Variants in LARP4B observed in about 807,000 individuals in gnomAD.
LARP4B encodes La ribonucleoprotein 4B, also known as la-related protein 4B.
A neutral mutation model predicts 89.8 loss-of-function variants in LARP4B; 12 were observed. That is an observed-to-expected ratio of 0.13 (90% CI 0.09 to 0.22). The LOEUF (loss-of-function observed/expected upper bound fraction) is 0.22. LARP4B is among the 10% of genes least tolerant of loss of function. The probability of loss-of-function intolerance (pLI) is 1.00; values close to 1 mark genes in which losing one functional copy is unlikely to be tolerated. For missense variants in LARP4B, 757 were observed against 947.7 expected (o/e 0.80, Z 2.64); for synonymous variants, 367 against 363.3 (o/e 1.01, Z -0.12).
intron 1 of LARP4B, among the ~76,000 whole-genome samples, chr10:895,672 C>CA (rs1312520352): frequency 0.011 from 694 of 63,760 alleles, 3 homozygotes; most frequent in Middle Eastern, 0.024. Context: ...GAGTCCATCT[C>CA]AAAAAAAAAA....
the LARP4B span, chr10:987,709 G>A: frequency 6.6e-6 from 1 of 152,234 alleles, no homozygotes; most frequent in African/African-American, 2.4e-5. Flanking sequence ...AAACATAAAA[G>A]CAGTAAAGGC....
At chr10:916,745 T>C (rs540090118) in intron 1 of LARP4B, among the ~76,000 whole-genome samples, 1 of 152,214 alleles carries the variant, frequency 6.6e-6, no homozygotes, top group Non-Finnish European at 1.5e-5. Flanking sequence ...TTGTGCAGAT[T>C]AGAGTGCAGT....
In LARP4B at chr10:811,238, T is replaced by G. The variant is rs1445597554; in HGVS notation, c.*1688A>C. ...TATTCAAACCACAACATTTAGTTTA[T>G]CTACATCCCGCTCAACAGCAACATT... On this transcript the variant is annotated 3_prime_UTR_variant, in exon 18 of 18. Coordinates refer to ENST00000316157, the MANE Select transcript of LARP4B (RefSeq NM_015155.3). 2.6e-5 allele frequency: 4 copies of G among 152,680 alleles called. No individual in the cohort carries two copies. Among genetic ancestry groups the G allele is most frequent in the Non-Finnish European group, 4.4e-5 (3 of 68,046 alleles). 9.5% of individuals were successfully genotyped at this position (152,680 alleles called of 1,614,324 possible).
chr10:888,336 A>T (rs1455556926), intron 1 of LARP4B, among the ~76,000 whole-genome samples: 1 of 144,808 alleles, frequency 6.9e-6, no homozygotes, highest in Non-Finnish European at 1.6e-5. Context: ...AAACAAACAA[A>T]CAAAAAAAAA....
At chr10:861,629 G>C (rs1435628738) in intron 5 of LARP4B, among the ~76,000 whole-genome samples, 3 of 152,110 alleles carry the variant, frequency 2.0e-5, no homozygotes, top group Non-Finnish European at 4.4e-5. Context: ...TCTTCAGATA[G>C]ATTTTAACAT....
At chr10:978,622 G>A in the LARP4B span, among the ~76,000 whole-genome samples, 1 of 152,122 alleles carries the variant, frequency 6.6e-6, no homozygotes, top group East Asian at 1.9e-4. Flanking sequence ...AAGTTCATCA[G>A]TACTTTACCC....
In LARP4B at chr10:810,836, A is replaced by G. The variant is rs1264824202; in HGVS notation, c.*2090T>C. On this transcript the variant is annotated 3_prime_UTR_variant, in exon 18 of 18. Transcript: ENST00000316157. ...CTGACAACTACAAAAAAAAATCCCCATGTTCTTTAAAATGCATTTGAAAAA... is the reference window on the plus strand; with the variant it reads ...CTGACAACTACAAAAAAAAATCCCCGTGTTCTTTAAAATGCATTTGAAAAA... 5 of 146,534 alleles carry G rather than the reference A, an allele frequency of 3.4e-5. No individual in the cohort carries two copies. The highest frequency in any genetic ancestry group is 4.5e-5 in the Non-Finnish European group (3 of 66,938). The allele number at this position is 146,534 out of a possible 1,614,324, so 9.1% of individuals were successfully genotyped here. A position where few individuals can be genotyped will look rare whatever the true frequency, so the allele number is the denominator to read the frequency against.
At chr10:909,527 G>T (rs1185163279) in intron 1 of LARP4B, among the ~76,000 whole-genome samples, 1 of 152,064 alleles carries the variant, frequency 6.6e-6, no homozygotes, top group East Asian at 1.9e-4. Context: ...GCTCATGCCT[G>T]TAATCCTGGC....
intron 1 of LARP4B, among the ~76,000 whole-genome samples, chr10:907,037 G>C (rs538558642): frequency 1.3e-5 from 2 of 152,286 alleles, no homozygotes; most frequent in African/African-American, 4.8e-5. Flanking sequence ...CAGCTACTGA[G>C]ATGCTCTCCC....
At chr10:874,203 C>G (rs1263586071) in intron 3 of LARP4B, among the ~76,000 whole-genome samples, 5 of 152,098 alleles carry the variant, frequency 3.3e-5, no homozygotes, top group African/African-American at 1.2e-4. Context: ...CACTGCACTC[C>G]AGCCTGGGTG....
chr10:867,346 A>G (rs1042887449), intron 3 of LARP4B, among the ~76,000 whole-genome samples: 2 of 152,242 alleles, frequency 1.3e-5, no homozygotes, highest in Non-Finnish European at 2.9e-5. Context: ...TGAAAAAACC[A>G]AGGCAGAGAA....
At chr10:839,525 C>T (rs1005922749) in intron 7 of LARP4B, among the ~76,000 whole-genome samples, 7 of 152,218 alleles carry the variant, frequency 4.6e-5, no homozygotes, top group African/African-American at 1.7e-4. Context: ...AAAAGGAAGG[C>T]AAATAAGCTC....
the LARP4B span, among the ~76,000 whole-genome samples, chr10:960,238 G>C: frequency 6.6e-6 from 1 of 152,126 alleles, no homozygotes; most frequent in Non-Finnish European, 1.5e-5. Context: ...GGTTGACAGA[G>C]GGGGAGGGAT....
At chr10:871,848 G>T (rs1337539541) in intron 3 of LARP4B, among the ~76,000 whole-genome samples, 2 of 152,190 alleles carry the variant, frequency 1.3e-5, no homozygotes, top group Admixed American at 6.5e-5. Flanking sequence ...TTGTCTCTTA[G>T]TGGTGTGATA....
At chr10:831,350 G>T (rs1832895826) in intron 8 of LARP4B, among the ~76,000 whole-genome samples, 1 of 150,040 alleles carries the variant, frequency 6.7e-6, no homozygotes, top group Non-Finnish European at 1.5e-5. Context: ...TGGCCATGAT[G>T]GACTAGATTT....
At chr10:848,640 C>G (rs534813252) in intron 5 of LARP4B, among the ~76,000 whole-genome samples, 37 of 149,886 alleles carry the variant, frequency 2.5e-4, no homozygotes, top group East Asian at 3.9e-4. Context: ...ATGAGATTAA[C>G]AACAGGGTAA....
intron 1 of LARP4B, among the ~76,000 whole-genome samples, chr10:928,115 G>A (rs554371045): frequency 4.6e-4 from 70 of 151,952 alleles, no homozygotes; most frequent in Non-Finnish European, 7.5e-4. Context: ...CCAGCTACTC[G>A]GGAGGCTGAG....
intron 7 of LARP4B, among the ~76,000 whole-genome samples, chr10:838,529 TC>T (rs1833346781): frequency 6.6e-6 from 1 of 152,154 alleles, no homozygotes; most frequent in South Asian, 2.1e-4. Context: ...ACATCATATG[TC>T]ATAGGGAATG....
chr10:981,009 G>A, the LARP4B span, among the ~76,000 whole-genome samples: 6 of 152,176 alleles, frequency 3.9e-5, no homozygotes, highest in Non-Finnish European at 8.8e-5. Context: ...AATTAGCCAG[G>A]CTATCTCTTG....
Sources: allele counts gnomAD v4.1 joint callset (sites outside exome capture counted in the v4.1 genomes callset), GRCh38; gene constraint gnomAD v4.1.1; transcripts MANE v1.5; gene names NCBI Gene and HGNC (gene_info 2026-07-23, HGNC 2026-07-21).